Variants in AMY2B observed in about 807,000 individuals in gnomAD.
The protein encoded by AMY2B is amylase alpha 2B.
A neutral mutation model predicts 59.3 loss-of-function variants in AMY2B; 63 were observed. The observed-to-expected ratio is 1.06, with a 90% CI of 0.87 to 1.31. The LOEUF (loss-of-function observed/expected upper bound fraction) is 1.31. Among genes scored for constraint, AMY2B ranks in the 50% most tolerant of loss-of-function variants. The probability of loss-of-function intolerance (pLI) is 0.00; values close to 1 mark genes in which losing one functional copy is unlikely to be tolerated. For synonymous variants in AMY2B, 180 were observed against 198.1 expected (o/e 0.91, Z 0.77); for missense variants, 635 against 626.7 (o/e 1.01, Z -0.14).
chr1:103,577,426 T>G (rs376166212), intron 7 of AMY2B, 64 bp from the exon 8 acceptor site: 13 of 1,610,800 alleles, frequency 8.1e-6, no homozygotes, highest in East Asian at 6.7e-5. Flanking sequence ...TGGGTTTGGT[T>G]TAAAGGAGAA....
chr1:103,564,586 T>C (rs1651847609), intron 1 of AMY2B, among the ~76,000 whole-genome samples: 1 of 152,110 alleles, frequency 6.6e-6, no homozygotes, highest in Admixed American at 6.6e-5. Flanking sequence ...TCATCCAATA[T>C]CTTTTTTGGT....
chr1:103,563,259 A>G (rs1476197792), intron 1 of AMY2B, among the ~76,000 whole-genome samples: 1 of 152,076 alleles, frequency 6.6e-6, no homozygotes, highest in African/African-American at 2.4e-5. Context: ...TTGGCACATG[A>G]TAGTAACCGT....
intron 7 of AMY2B, among the ~76,000 whole-genome samples, chr1:103,576,610 A>G (rs772039797): frequency 3.9e-5 from 6 of 152,132 alleles, no homozygotes; most frequent in Non-Finnish European, 7.3e-5. Context: ...TAAAGTGCCA[A>G]TCAGAAAAAC....
At position 103,573,765 on chromosome 1, in the gene AMY2B, C is replaced by A. The variant is rs375752225; in HGVS notation, c.571C>A (p.Arg191Ser). 5 of 1,613,784 alleles carry A rather than the reference C, an allele frequency of 3.1e-6. No homozygotes were observed. Among genetic ancestry groups the A allele is most frequent in the Non-Finnish European group, 4.2e-6 (5 of 1,179,746 alleles). The change falls in exon 4 of 10, where the codon CGT becomes AGT. Residue 191 changes from arginine to serine, a missense_variant. Coordinates refer to ENST00000684275, the MANE Select transcript of AMY2B (RefSeq NM_001387437.1). ...TCTTGCACTGGAGAAAGATTATGTG[C>A]GTTCCAAGATTGCCGAATATATGAA... ...LDLALEKDYV[R>S]SKIAEYMNHL...
intron 1 of AMY2B, among the ~76,000 whole-genome samples, chr1:103,558,790 A>G (rs1292218569): frequency 6.6e-6 from 1 of 151,694 alleles, no homozygotes; most frequent in Non-Finnish European, 1.5e-5. Flanking sequence ...GCTGTCATTA[A>G]TACATTTTTC....
intron 1 of AMY2B, among the ~76,000 whole-genome samples, chr1:103,563,222 T>A (rs764274299): frequency 2.6e-5 from 4 of 152,108 alleles, no homozygotes; most frequent in Non-Finnish European, 5.9e-5. Context: ...TATTTCATAT[T>A]CTTAGGGAAT....
intron 1 of AMY2B, among the ~76,000 whole-genome samples, chr1:103,561,269 G>C (rs545033554): frequency 1.3e-5 from 2 of 151,746 alleles, no homozygotes; most frequent in Non-Finnish European, 2.9e-5. Context: ...TTTTTTTTTG[G>C]TTTTTTGTTT....
intron 1 of AMY2B, among the ~76,000 whole-genome samples, chr1:103,563,020 C>T (rs910342555): frequency 2.0e-5 from 3 of 151,944 alleles, no homozygotes; most frequent in Admixed American, 6.6e-5. Flanking sequence ...AAAATAGATA[C>T]CTCATATATG....
upstream of AMY2B, chr1:103,568,570 T>G (rs1202697141): frequency 6.6e-6 from 1 of 152,146 alleles, no homozygotes; most frequent in Non-Finnish European, 1.5e-5. Flanking sequence ...ACAGGGCTGA[T>G]TTTAAAAATG....
upstream of AMY2B, among the ~76,000 whole-genome samples, chr1:103,567,615 C>T (rs1651953093): frequency 6.6e-6 from 1 of 152,186 alleles, no homozygotes; most frequent in South Asian, 2.1e-4. Context: ...CTAACATCTA[C>T]CCCTTTCCAC....
chr1:103,560,387 A>G (rs1225142656), intron 1 of AMY2B, among the ~76,000 whole-genome samples: 2 of 152,166 alleles, frequency 1.3e-5, no homozygotes, highest in Non-Finnish European at 2.9e-5. Flanking sequence ...CAATACTAAT[A>G]AAGCCTCACT....
chr1:103,560,385 A>G (rs1031718208), intron 1 of AMY2B, among the ~76,000 whole-genome samples: 2 of 152,156 alleles, frequency 1.3e-5, no homozygotes, highest in Admixed American at 6.5e-5. Context: ...TCCAATACTA[A>G]TAAAGCCTCA....
chr1:103,567,527 T>C (rs1056912018), upstream of AMY2B, among the ~76,000 whole-genome samples: 3 of 152,206 alleles, frequency 2.0e-5, no homozygotes, highest in African/African-American at 7.2e-5. Flanking sequence ...ATCTACTGCC[T>C]GTTTACCTCT....
At position 103,560,440 on chromosome 1, in the gene AMY2B, G is replaced by C. The variant is rs147693988; in HGVS notation, c.-206-4995G>C. On this transcript the variant is annotated intron_variant, in intron 1 of 11. Coordinates refer to the AMY2B transcript ENST00000361355. ...AATTTACATCATTTATTTGGTTCTA[G>C]CTTTACCTTTACCTTTTTTCTATCT... is the stretch of plus-strand genomic sequence containing the variant. Among the ~76,000 whole-genome samples, 3 of 152,118 alleles carry C rather than the reference G, an allele frequency of 2.0e-5. No homozygotes were observed. In the East Asian group the frequency reaches 5.8e-4, roughly 29 times the overall value.
At chr1:103,568,108 G>A (rs565656261), upstream of AMY2B, among the ~76,000 whole-genome samples, 1 of 152,124 alleles carries the variant, frequency 6.6e-6, no homozygotes, top group Non-Finnish European at 1.5e-5. Context: ...TGCTATTACT[G>A]TTATTTACTA....
In AMY2B at chr1:103,564,418, G is replaced by A. The variant is rs1409500889; in HGVS notation, c.-206-1017G>A. ...TCTATTTAAATTCTGATACTCACCC[G>A]TATCCAGTTAGTTTGTTGTACTCCC... On this transcript the variant is annotated intron_variant, in intron 1 of 11. Transcript: ENST00000361355. Among the ~76,000 whole-genome samples, 6 of 151,920 alleles carry A rather than the reference G, an allele frequency of 3.9e-5. No individual in the cohort carries two copies. The East Asian group carries it at 9.7e-4, about 24-fold the overall frequency.
chr1:103,560,105 T>TA (rs1557765253), intron 1 of AMY2B, among the ~76,000 whole-genome samples: 2 of 152,216 alleles, frequency 1.3e-5, no homozygotes, highest in East Asian at 3.9e-4. Context: ...TATAGACAAT[T>TA]AAAAAAATAA....
chr1:103,574,446 G>A (rs1452338211), intron 5 of AMY2B, 53 bp downstream of exon 5: 1 of 1,606,674 alleles, frequency 6.2e-7, no homozygotes, highest in African/African-American at 1.3e-5. Flanking sequence ...ATTAGTCATA[G>A]TACCCCAGTG....
Position 103,572,312 on chromosome 1 carries a change from CTTCT to C in AMY2B, c.315+62_315+65del, listed in dbSNP as rs1652168312. 8 of 1,587,240 alleles carry C rather than the reference CTTCT, an allele frequency of 5.0e-6. No individual in the cohort carries two copies. The South Asian group carries it at 8.2e-5, about 16-fold the overall frequency. On this transcript the variant is annotated intron_variant, in intron 2 of 9. Coordinates refer to ENST00000684275, the MANE Select transcript of AMY2B (RefSeq NM_001387437.1). ...ACAGATAGGAAAATGATTTCTCTCT[CTTCT>C]TTCTTGCTCCTTTTCAGCAGAAAGT... is the stretch of plus-strand genomic sequence containing the variant.
Sources: allele counts gnomAD v4.1 joint callset (sites outside exome capture counted in the v4.1 genomes callset), GRCh38; gene constraint gnomAD v4.1.1; transcripts MANE v1.5; gene names NCBI Gene and HGNC (gene_info 2026-07-23, HGNC 2026-07-21).